Variants in MTMR7 observed in about 807,000 individuals in gnomAD.
MTMR7 encodes the protein myotubularin related protein 7.
A neutral mutation model predicts 81.2 loss-of-function variants in MTMR7; 76 were observed. That is an observed-to-expected ratio of 0.94 (90% CI 0.78 to 1.13). MTMR7 has a LOEUF of 1.13. Ranked by LOEUF, MTMR7 falls within the 50% of genes most tolerant of loss-of-function variation. MTMR7 has a pLI of 0.00. For missense variants in MTMR7, 1,044 were observed against 820.0 expected (o/e 1.27, Z -3.34); for synonymous variants, 372 against 289.8 (o/e 1.28, Z -2.88).
intron 1 of MTMR7, among the ~76,000 whole-genome samples, chr8:17,384,432 A>T (rs1294706552): frequency 1.3e-5 from 2 of 152,164 alleles, no homozygotes; most frequent in Non-Finnish European, 2.9e-5. Context: ...TAAATAAATA[A>T]TTATTAACAA....
At position 17,300,061 on chromosome 8, in the gene MTMR7, G is replaced by C; in HGVS notation, c.1784C>G (p.Ser595Ter). ...NMKSFPSRSP[S>*]QGDEDSALIL... ...CAGAGCAGAATCTTCATCGCCTTGT[G>C]AAGGGCTCCGGGATGGAAATGATTT... The change falls in exon 14 of 14, where the codon TCA becomes TGA. Residue 595 changes from serine to a stop codon, truncating the protein, a stop_gained. Transcript: ENST00000180173. LOFTEE classifies it high-confidence loss of function. 1 of 1,614,162 alleles carries C rather than the reference G, an allele frequency of 6.2e-7. No individual in the cohort carries two copies. Among genetic ancestry groups the C allele is most frequent in the Non-Finnish European group, 8.5e-7 (1 of 1,180,022 alleles).
chr8:17,408,343 T>C (rs188432290), intron 1 of MTMR7, among the ~76,000 whole-genome samples: 3,617 of 127,870 alleles, frequency 0.028, 359 homozygotes, highest in African/African-American at 0.086. Flanking sequence ...GAGCCGAGAT[T>C]GCGCCACTGC....
At chr8:17,409,867 G>A (rs748228157) in intron 1 of MTMR7, among the ~76,000 whole-genome samples, 5 of 152,144 alleles carry the variant, frequency 3.3e-5, no homozygotes, top group African/African-American at 7.2e-5. Context: ...CAAAAGTCCC[G>A]AGGCAGAAAA....
At chr8:17,328,439 C>T (rs1045317455) in intron 7 of MTMR7, among the ~76,000 whole-genome samples, 1 of 152,108 alleles carries the variant, frequency 6.6e-6, no homozygotes, top group South Asian at 2.1e-4. Context: ...AGCTGGAAGC[C>T]ATTATCCTCA....
chr8:17,409,428 C>T (rs1585130619), intron 1 of MTMR7, among the ~76,000 whole-genome samples: 1 of 61,218 alleles, frequency 1.6e-5, no homozygotes, highest in Admixed American at 3.4e-4. Context: ...CACACCAGTG[C>T]ACTCCAGCCT....
intron 5 of MTMR7, among the ~76,000 whole-genome samples, chr8:17,345,058 T>G (rs1294108357): frequency 3.3e-5 from 5 of 152,210 alleles, no homozygotes; most frequent in African/African-American, 1.2e-4. Flanking sequence ...CGCACATGAC[T>G]AAGCATCTCT....
intron 2 of MTMR7, chr8:17,372,855 G>C (rs1285101225): frequency 8.6e-6 from 3 of 350,786 alleles, no homozygotes; most frequent in East Asian, 1.1e-4. Flanking sequence ...CTCCTTGACA[G>C]CTGTGACAGG....
intron 7 of MTMR7, among the ~76,000 whole-genome samples, chr8:17,322,395 A>C (rs4345598): frequency 6.6e-6 from 1 of 152,074 alleles, no homozygotes; most frequent in African/African-American, 2.4e-5. Flanking sequence ...CTATTAGTAT[A>C]TATGAATGTG....
At position 17,371,184 on chromosome 8, in the gene MTMR7, T is replaced by C. The variant is rs1057339138; in HGVS notation, c.163A>G (p.Ile55Val). The change falls in exon 3 of 14, where the codon ATT (isoleucine) becomes GTT (valine). Residue 55 changes from isoleucine (I) to valine (V), a missense_variant. Ile to Val is a conservative substitution (Grantham distance 29). Transcript: ENST00000180173. ...RKETWILHSQ[I>V]STIEKQATTA... The stretch of plus-strand genomic sequence containing the variant: ...GTTGCCTGTTTCTCAATGGTGGAAA[T>C]CTGACTGTGAAGAATCTAGAACCAA... The C allele has an allele frequency of 1.2e-6, 2 of 1,613,950 alleles. No homozygotes were observed. Among genetic ancestry groups the C allele is most frequent in the African/African-American group, 1.3e-5 (1 of 74,906 alleles).
chr8:17,354,567 G>A (rs1422892080), intron 4 of MTMR7, among the ~76,000 whole-genome samples: 3 of 152,158 alleles, frequency 2.0e-5, no homozygotes, highest in African/African-American at 7.2e-5. Context: ...AAAGAAAATA[G>A]CAGAATTGGT....
At chr8:17,336,466 A>AC (rs1314780927) in intron 6 of MTMR7, among the ~76,000 whole-genome samples, 7 of 150,220 alleles carry the variant, frequency 4.7e-5, no homozygotes, top group Admixed American at 6.7e-5. Context: ...CAAGTGTGAG[A>AC]CCCCCGATTC....
rs1586111860 is a variant in MTMR7, at chr8:17,297,646, C to G, written c.*2216G>C. ...TAATATGCCTCAAATCAGTTTTATACTGGATTATTCCCTATGCTTTAAACC... is the reference window on the plus strand; with the variant it reads ...TAATATGCCTCAAATCAGTTTTATAGTGGATTATTCCCTATGCTTTAAACC... On this transcript the variant is annotated 3_prime_UTR_variant, in exon 14 of 14. Transcript: ENST00000180173. 1 of 151,978 alleles carries G rather than the reference C, an allele frequency of 6.6e-6. No individual in the cohort carries two copies. Among genetic ancestry groups the G allele is most frequent in the African/African-American group, 2.4e-5 (1 of 41,412 alleles). The allele number at this position is 151,978 out of a possible 1,614,324, so 9.4% of individuals were successfully genotyped here. A position where few individuals can be genotyped will look rare whatever the true frequency, so the allele number is the denominator to read the frequency against.
intron 13 of MTMR7, 35 bp downstream of exon 13, chr8:17,302,119 A>G (rs1195947127): frequency 4.3e-6 from 7 of 1,613,598 alleles, no homozygotes; most frequent in Non-Finnish European, 5.1e-6. Context: ...AGAAATAAGC[A>G]CAGAAAATAG....
chr8:17,374,579 C>A (rs184348082), intron 1 of MTMR7, among the ~76,000 whole-genome samples: 8 of 152,048 alleles, frequency 5.3e-5, no homozygotes, highest in African/African-American at 1.4e-4. Flanking sequence ...TGAGATTGCG[C>A]CACCGTACCG....
Position 17,311,563 on chromosome 8 carries a change from G to A in MTMR7, c.1049C>T (p.Ser350Leu), listed in dbSNP as rs753449850. The change falls in exon 9 of 14, where the codon TCG (serine) becomes TTG (leucine). Residue 350 changes from serine (S) to leucine (L), a missense_variant. By Grantham distance (145) the Ser-to-Leu change is moderately radical. Coordinates refer to ENST00000180173, the MANE Select transcript of MTMR7 (RefSeq NM_004686.5). The part of the protein sequence containing the change: ...DGWDRTAQVC[S>L]VASLLLDPHY... ...AGGGTCCAGCAGCAGGCTTGCCACC[G>A]AGCACACCTGAGCGGTCCTGTCCCA... 9 of 1,613,918 alleles carry A rather than the reference G, an allele frequency of 5.6e-6. No homozygotes were observed. The highest frequency in any genetic ancestry group is 2.2e-5 in the South Asian group (2 of 91,066).
At chr8:17,361,095 T>A in intron 4 of MTMR7, 22 bp downstream of exon 4, 1 of 1,613,380 alleles carries the variant, frequency 6.2e-7, no homozygotes, top group Non-Finnish European at 8.5e-7. Flanking sequence ...GCGGCTTCAG[T>A]GTTTGGGTTT....
At chr8:17,333,833 A>G (rs897461481) in intron 6 of MTMR7, among the ~76,000 whole-genome samples, 4 of 152,148 alleles carry the variant, frequency 2.6e-5, no homozygotes, top group African/African-American at 9.7e-5. Flanking sequence ...TAGGTGACAG[A>G]GCAAGACCCC....
At chr8:17,320,678 C>G (rs1285210635) in intron 7 of MTMR7, among the ~76,000 whole-genome samples, 1 of 152,250 alleles carries the variant, frequency 6.6e-6, no homozygotes, top group East Asian at 1.9e-4. Flanking sequence ...CGAGTTAAAA[C>G]TGAGCAAGCT....
intron 4 of MTMR7, among the ~76,000 whole-genome samples, chr8:17,353,421 G>T (rs147803999): frequency 2.8e-4 from 43 of 152,060 alleles, no homozygotes; most frequent in Admixed American, 5.9e-4. Context: ...GACTAAGATG[G>T]CAAACTTTAC....
Sources: gnomAD v4.1 joint callset for allele counts (sites outside exome capture counted in the v4.1 genomes callset) on GRCh38, gnomAD v4.1.1 for gene constraint, MANE v1.5 for transcripts, NCBI Gene and HGNC (gene_info 2026-07-23, HGNC 2026-07-21) for gene names.